The following EGFR variants were observed in gnomAD, a reference collection of about 807,000 sequenced individuals.
EGFR encodes avian erythroblastic leukemia viral (v-erb-b) oncogene homolog.
In EGFR, 58 loss-of-function variants were observed where a neutral mutation model predicts 143.0. The ratio of observed to expected loss-of-function variants is 0.41; its 90% CI spans 0.33 to 0.50. The LOEUF is 0.50. Among genes scored for constraint, EGFR ranks in the 20% least tolerant of loss-of-function variants. The pLI, the probability that EGFR is intolerant of heterozygous loss-of-function variation, is 0.39. For synonymous variants in EGFR, 613 were observed against 594.4 expected (o/e 1.03, Z -0.45); for missense variants, 1,307 against 1,579.0 (o/e 0.83, Z 2.92).
At chr7:55,130,500 G>A (rs1399274340) in intron 1 of EGFR, among the ~76,000 whole-genome samples, 3 of 152,158 alleles carry the variant, frequency 2.0e-5, no homozygotes, top group Non-Finnish European at 4.4e-5. Context: ...CAGGGAAAGG[G>A]AAAGCTTCAC....
intron 24 of EGFR, 30 bp from the exon 25 acceptor site, chr7:55,201,158 A>G (rs1260157333): frequency 1.2e-6 from 2 of 1,614,054 alleles, no homozygotes; most frequent in Admixed American, 1.7e-5. Context: ...TCTACGGGCC[A>G]TTCTAATAGC....
intron 1 of EGFR, among the ~76,000 whole-genome samples, chr7:55,117,288 A>G (rs1792915976): frequency 6.6e-6 from 1 of 152,244 alleles, no homozygotes; most frequent in Non-Finnish European, 1.5e-5. Flanking sequence ...CCACCTTTTT[A>G]GATCGGTAAA....
chr7:55,128,998 C>T (rs918400395), intron 1 of EGFR, among the ~76,000 whole-genome samples: 2 of 152,234 alleles, frequency 1.3e-5, no homozygotes, highest in East Asian at 3.8e-4. Context: ...AGTAATTCAA[C>T]AATTTTTATT....
In EGFR at chr7:55,065,708, A is replaced by G. The variant is rs191612342; in HGVS notation, c.88+46343A>G. 9.8e-3 allele frequency among the ~76,000 whole-genome samples: 1,490 copies of G among 152,252 alleles called. 66 individuals carry two copies. The highest frequency in any genetic ancestry group is 0.071 in the Admixed American group (1,089 of 15,288). ...AGAAGGTGTTGGGGGAATTAGGGAC[A>G]TGGCTGTGTTTCCCCAGAGAAAAGT... On this transcript the variant is annotated intron_variant, in intron 1 of 27. Coordinates refer to ENST00000275493, the MANE Select transcript of EGFR (RefSeq NM_005228.5).
At position 55,181,331 on chromosome 7, in the gene EGFR, G is replaced by A. The variant is rs2128958516; in HGVS notation, c.2322G>A (p.Val774=). 6.2e-7 allele frequency: 1 copy of A among 1,614,166 alleles called. No individual in the cohort carries two copies. Among genetic ancestry groups the A allele is most frequent in the Admixed American group, 1.7e-5 (1 of 60,022 alleles). ...YVMASVDNPH[V]CRLLGICLTS... is the part of the protein sequence containing the mutation. Reference sequence around the variant, plus strand: ...TGGCCAGCGTGGACAACCCCCACGTGTGCCGCCTGCTGGGCATCTGCCTCA... The same window carrying A: ...TGGCCAGCGTGGACAACCCCCACGTATGCCGCCTGCTGGGCATCTGCCTCA... Residue 774 remains valine, a synonymous_variant, in exon 20 of 28, where the codon GTG becomes GTA. Coordinates refer to ENST00000275493, the MANE Select transcript of EGFR (RefSeq NM_005228.5).
intron 15 of EGFR, chr7:55,168,492 A>G (rs776468748): frequency 7.8e-7 from 1 of 1,280,954 alleles, no homozygotes; most frequent in Middle Eastern, 1.8e-4. Context: ...GTTAGTGGTC[A>G]TTTTTCTAAT....
chr7:55,147,909 A>T (rs10281594), intron 4 of EGFR, among the ~76,000 whole-genome samples: 2,718 of 152,316 alleles, frequency 0.018, 74 homozygotes, highest in African/African-American at 0.06. Context: ...GGCTTATTTC[A>T]CCTAGCAAAA....
At chr7:55,036,794 C>T (rs963816880) in intron 1 of EGFR, among the ~76,000 whole-genome samples, 2 of 152,090 alleles carry the variant, frequency 1.3e-5, no homozygotes, top group South Asian at 2.1e-4. Context: ...AAGTAACATA[C>T]CTCTGCTCCA....
intron 1 of EGFR, among the ~76,000 whole-genome samples, chr7:55,050,944 T>A (rs1308564747): frequency 1.3e-5 from 2 of 152,166 alleles, no homozygotes; most frequent in Non-Finnish European, 2.9e-5. Flanking sequence ...GCACCTCCTG[T>A]GTGCCCACAC....
intron 1 of EGFR, 85 bp downstream of exon 1, chr7:55,019,450 C>G (rs1260024503): frequency 2.4e-6 from 2 of 823,696 alleles, no homozygotes; most frequent in Non-Finnish European, 1.6e-6. Flanking sequence ...ACCGGCGCAC[C>G]GGCTCGGCGC....
At chr7:55,119,388 T>TA (rs1554335158) in intron 1 of EGFR, 1 of 152,148 alleles carries the variant, frequency 6.6e-6, no homozygotes, top group Non-Finnish European at 1.5e-5. Context: ...TCCAGAAACA[T>TA]ATAGGGGATA....
At chr7:55,075,820 T>C (rs1790104239) in intron 1 of EGFR, among the ~76,000 whole-genome samples, 2 of 152,176 alleles carry the variant, frequency 1.3e-5, no homozygotes, top group Admixed American at 6.5e-5. Context: ...CAAAAATCCA[T>C]GCACATCAAC....
chr7:55,088,408 T>C (rs1790895171), intron 1 of EGFR, among the ~76,000 whole-genome samples: 1 of 152,232 alleles, frequency 6.6e-6, no homozygotes, highest in Non-Finnish European at 1.5e-5. Context: ...TTCATGGAAC[T>C]TCCCAGTCTG....
At chr7:55,043,135 C>T (rs17172427) in intron 1 of EGFR, among the ~76,000 whole-genome samples, 5,789 of 152,072 alleles carry the variant, frequency 0.038, 202 homozygotes, top group South Asian at 0.13. Context: ...GTGGCATGGC[C>T]GTAGACTCAA....
chr7:55,082,176 C>T (rs1448522547), intron 1 of EGFR, among the ~76,000 whole-genome samples: 7 of 152,074 alleles, frequency 4.6e-5, no homozygotes, highest in Admixed American at 4.6e-4. Flanking sequence ...TTTGATCTTA[C>T]CAAGTGATAT....
At chr7:55,152,418 T>G in intron 5 of EGFR, 128 bp from the exon 6 acceptor site, 4 of 862,050 alleles carry the variant, frequency 4.6e-6, no homozygotes, top group Non-Finnish European at 8.1e-6. Context: ...TTAGTTTGAA[T>G]GTGGTTTCGT....
intron 1 of EGFR, among the ~76,000 whole-genome samples, chr7:55,061,544 C>T (rs1266146341): frequency 6.6e-6 from 1 of 151,256 alleles, no homozygotes; most frequent in African/African-American, 2.4e-5. Flanking sequence ...ATTAAACGAG[C>T]ATTTTATAAG....
rs12672027 is a variant in EGFR at position 55,097,491 on chromosome 7, T to G, written c.89-44795T>G. On this transcript the variant is annotated intron_variant, in intron 1 of 27. Transcript: ENST00000275493. ...GCACATTCACCTGGACCAGATCTAT[T>G]GTAAAGCCAATAATACTGAAGCCCC... 1.1e-4 allele frequency among the ~76,000 whole-genome samples: 16 copies of G among 152,348 alleles called. No homozygotes were observed. In the East Asian group the frequency reaches 3.1e-3, roughly 29 times the overall value.
chr7:55,119,818 A>C (rs539564061), intron 1 of EGFR, among the ~76,000 whole-genome samples: 1 of 152,294 alleles, frequency 6.6e-6, no homozygotes, highest in East Asian at 1.9e-4. Context: ...CTGTTGCAGC[A>C]GGTGACCACT....
Sources: allele counts gnomAD v4.1 joint callset (sites outside exome capture counted in the v4.1 genomes callset), GRCh38; gene constraint gnomAD v4.1.1; transcripts MANE v1.5; gene names NCBI Gene and HGNC (gene_info 2026-07-23, HGNC 2026-07-21).